PADI4: variants seen among roughly 807,000 people sequenced by gnomAD.
PADI4 encodes protein-arginine deiminase type-4.
A neutral mutation model predicts 75.0 loss-of-function variants in PADI4; 62 were observed. The ratio of observed to expected loss-of-function variants is 0.83; its 90% CI spans 0.67 to 1.02. The LOEUF (loss-of-function observed/expected upper bound fraction) is 1.02, where lower values mean the gene tolerates loss of function less well. Ranked by LOEUF, PADI4 falls within the 50% of genes least tolerant of loss-of-function variation. The pLI, the probability that PADI4 is intolerant of heterozygous loss-of-function variation, is 0.00. For synonymous variants in PADI4, 361 were observed against 348.1 expected (o/e 1.04, Z -0.41); for missense variants, 845 against 850.5 (o/e 0.99, Z 0.08).
At position 17,346,494 on chromosome 1, in the gene PADI4, G is replaced by A. The variant is rs72637418; in HGVS notation, c.1047+355G>A. ...ATCTTGGGCCCAGCCACCAAAGCAG[G>A]TCACACCCCAGCTCCAGCACTTTCC... is the stretch of plus-strand genomic sequence containing the variant. On this transcript the variant is annotated intron_variant, in intron 9 of 15. Coordinates refer to ENST00000375448, the MANE Select transcript of PADI4 (RefSeq NM_012387.3). The surrounding 1 kb of genome is among the most constrained non-coding windows in gnomAD (Gnocchi z 4.3). Among the ~76,000 whole-genome samples the A allele has an allele frequency of 0.015, 2,272 of 152,228 alleles. 32 individuals are homozygous for A. Among genetic ancestry groups the A allele is most frequent in the Admixed American group, 0.024 (361 of 15,292 alleles).
chr1:17,354,649 G>T lies in PADI4; in HGVS notation c.1272G>T (p.Pro424=), dbSNP rs35240185. 1 of 1,613,286 alleles carries T rather than the reference G, an allele frequency of 6.2e-7. No homozygotes were observed. The highest frequency in any genetic ancestry group is 1.1e-5 in the South Asian group (1 of 90,974). The part of the protein sequence containing the change: ...PPVTVRGKEY[P]LGRILFGDSC... Reference sequence around the variant, plus strand: ...TCACAGTCAGGGGCAAGGAATACCCGCTGGGCAGGATTCTCTTCGGGGACA... The same window carrying T: ...TCACAGTCAGGGGCAAGGAATACCCTCTGGGCAGGATTCTCTTCGGGGACA... The change falls in exon 11 of 16, where the codon CCG becomes CCT. Residue 424 remains proline, a synonymous_variant. Transcript: ENST00000375448.
In PADI4 at chr1:17,363,698, C is replaced by T. The variant is rs367830936; in HGVS notation, c.1935C>T (p.Cys645=). 288 of 1,613,984 alleles carry T rather than the reference C, an allele frequency of 1.8e-4. No homozygotes were observed. The highest frequency in any genetic ancestry group is 2.2e-4 in the Non-Finnish European group (265 of 1,179,922). ...ACATCAGGCATGGGGAGGTGCACTG[C>T]GGCACCAACGTGCGCAGAAAGCCCT... ...TYHIRHGEVH[C]GTNVRRKPFS... The change falls in exon 16 of 16, where the codon TGC becomes TGT. Residue 645 remains cysteine (C), a synonymous_variant. Transcript: ENST00000375448.
chr1:17,356,339 C>A lies in PADI4; in HGVS notation c.1456-18C>A, dbSNP rs1297278324. ...CAGGGGCAAAGCTGACTTCTAACCC[C>A]AGTGTTTCTGCCTCCAGGGCTTCCG... On this transcript the variant is annotated intron_variant, in intron 12 of 15. Coordinates refer to ENST00000375448, the MANE Select transcript of PADI4 (RefSeq NM_012387.3). This position sits in a 1 kb window ranked among gnomAD's most constrained non-coding sequence, Gnocchi z 4.1. 1 of 1,560,246 alleles carries A rather than the reference C, an allele frequency of 6.4e-7. No homozygotes were observed. The highest frequency in any genetic ancestry group is 8.8e-7 in the Non-Finnish European group (1 of 1,141,598).
chr1:17,331,334 T>C (rs1293307907), intron 2 of PADI4, among the ~76,000 whole-genome samples, 185 bp downstream of exon 2: 2 of 152,162 alleles, frequency 1.3e-5, no homozygotes, highest in Non-Finnish European at 2.9e-5. Flanking sequence ...CAGGGGTTCA[T>C]GGAGGTCAGG....
chr1:17,314,333 A>C (rs2073896271), intron 1 of PADI4, among the ~76,000 whole-genome samples: 1 of 152,222 alleles, frequency 6.6e-6, no homozygotes, highest in Admixed American at 6.5e-5. Context: ...GGAAAACAAC[A>C]GCACACAGAA....
intron 1 of PADI4, among the ~76,000 whole-genome samples, chr1:17,324,355 C>G (rs2074085602): frequency 6.6e-6 from 1 of 151,828 alleles, no homozygotes. Flanking sequence ...GTTGATTTGC[C>G]TAAGTTCTTT....
chr1:17,319,759 C>T (rs2100671699), intron 1 of PADI4, among the ~76,000 whole-genome samples: 1 of 152,278 alleles, frequency 6.6e-6, no homozygotes, highest in East Asian at 1.9e-4. Context: ...GGAAGCGAGG[C>T]TCAGAAACAG....
intron 11 of PADI4, among the ~76,000 whole-genome samples, chr1:17,355,262 CA>C (rs1422960488): frequency 6.6e-6 from 1 of 152,178 alleles, no homozygotes; most frequent in Non-Finnish European, 1.5e-5. Context: ...ACCTATTGAA[CA>C]AGAAGAGGCT....
chr1:17,334,716 ACCATTTCTG>A (rs2074279804), intron 3 of PADI4: 3 of 440,652 alleles, frequency 6.8e-6, no homozygotes, highest in Non-Finnish European at 1.4e-5. Flanking sequence ...TCTCATCTTC[ACCATTTCTG>A]CCATATCAAT....
At chr1:17,341,824 G>A (rs1021468897) in intron 6 of PADI4, 119 bp from the exon 7 acceptor site, 1 of 700,046 alleles carries the variant, frequency 1.4e-6, no homozygotes, top group Non-Finnish European at 2.4e-6. Context: ...GGCTGCAAGG[G>A]GTTCTCTGAT....
In PADI4 at chr1:17,313,521, AGG is replaced by A. The variant is rs796405692; in HGVS notation, c.92+5208_92+5209del. 8.5e-3 allele frequency among the ~76,000 whole-genome samples: 1,236 copies of A among 145,200 alleles called. 22 individuals are homozygous for A. The highest frequency in any genetic ancestry group is 0.029 in the African/African-American group (1,121 of 39,078). On this transcript the variant is annotated intron_variant, in intron 1 of 15. Coordinates refer to ENST00000375448, the MANE Select transcript of PADI4 (RefSeq NM_012387.3). ...GTCAAAAAAAAAAAAAAAAAAAAAA[AGG>A]AAAGGAAGGAAAGAAGGAAAGAAGG...
Position 17,338,103 on chromosome 1 carries a change from T to C in PADI4, c.474T>C (p.Asn158=). The C allele has an allele frequency of 6.2e-7, 1 of 1,613,454 alleles. No homozygotes were observed. Among genetic ancestry groups the C allele is most frequent in the Non-Finnish European group, 8.5e-7 (1 of 1,179,594 alleles). The change falls in exon 5 of 16, where the codon AAT becomes AAC. Residue 158 remains asparagine, a synonymous_variant. Transcript: ENST00000375448. ...TGCTGGTGAACTGTGACAGAGACAA[T>C]CTCGAATCTTCTGCCATGGACTGCG... ...AILLVNCDRD[N]LESSAMDCED...
In PADI4 at chr1:17,346,177, G is replaced by T. The variant is rs754563935; in HGVS notation, c.1047+38G>T. Reference sequence around the variant, plus strand: ...CGGGGCAGGCAGGGTGACTGTCCCTGAGGGCCAAGAGACACTTGGGGGACC... The same window carrying T: ...CGGGGCAGGCAGGGTGACTGTCCCTTAGGGCCAAGAGACACTTGGGGGACC... On this transcript the variant is annotated intron_variant, in intron 9 of 15. Coordinates refer to ENST00000375448, the MANE Select transcript of PADI4 (RefSeq NM_012387.3). The surrounding 1 kb of genome is among the most constrained non-coding windows in gnomAD (Gnocchi z 4.3). 2.6e-5 allele frequency: 35 copies of T among 1,368,472 alleles called. No individual in the cohort carries two copies. The South Asian group carries it at 4.0e-4, about 16-fold the overall frequency. 84.8% of individuals were successfully genotyped at this position (1,368,472 alleles called of 1,614,324 possible).
intron 11 of PADI4, among the ~76,000 whole-genome samples, chr1:17,354,970 A>G (rs1357340138): frequency 6.6e-6 from 1 of 152,258 alleles, no homozygotes; most frequent in Non-Finnish European, 1.5e-5. Flanking sequence ...GACAAGAAAG[A>G]CAAGTCCTTA....
At position 17,346,770 on chromosome 1, in the gene PADI4, G is replaced by A. The variant is rs6673284; in HGVS notation, c.1047+631G>A. 0.044 allele frequency among the ~76,000 whole-genome samples: 6,646 copies of A among 151,812 alleles called. 501 individuals carry two copies. The highest frequency in any genetic ancestry group is 0.15 in the African/African-American group (6,289 of 41,348). On this transcript the variant is annotated intron_variant, in intron 9 of 15. Coordinates refer to ENST00000375448, the MANE Select transcript of PADI4 (RefSeq NM_012387.3). This position sits in a 1 kb window ranked among gnomAD's most constrained non-coding sequence, Gnocchi z 4.3. ...CTGTCCTTCCATGCCGCACCCCTGC[G>A]GTGCTGTCTCTTGGACCCATCTCCC...
chr1:17,353,698 A>T (rs1748013), intron 10 of PADI4, among the ~76,000 whole-genome samples: 4,385 of 152,230 alleles, frequency 0.029, 88 homozygotes, highest in Non-Finnish European at 0.041. Context: ...TATATTAGGG[A>T]TCTTGTGATG....
chr1:17,321,318 G>A (rs1258652048), intron 1 of PADI4, among the ~76,000 whole-genome samples: 1 of 152,178 alleles, frequency 6.6e-6, no homozygotes, highest in African/African-American at 2.4e-5. Context: ...CACAGGGAGA[G>A]CAGCACGGGG....
intron 6 of PADI4, 76 bp downstream of exon 6, chr1:17,339,889 A>G (rs887997710): frequency 6.8e-7 from 1 of 1,469,288 alleles, no homozygotes; most frequent in Non-Finnish European, 9.2e-7. Flanking sequence ...TGTGTGGCAG[A>G]TAAATCCTGA....
intron 13 of PADI4, among the ~76,000 whole-genome samples, chr1:17,358,117 G>A (rs1404973960): frequency 6.6e-6 from 1 of 151,368 alleles, no homozygotes; most frequent in Non-Finnish European, 1.5e-5. Flanking sequence ...GCGCAGTGGT[G>A]CGCACCTGTA....
Sources: allele counts gnomAD v4.1 joint callset (sites outside exome capture counted in the v4.1 genomes callset), GRCh38; gene constraint gnomAD v4.1.1; non-coding constraint Gnocchi (gnomAD v3.1); transcripts MANE v1.5; gene names NCBI Gene and HGNC (gene_info 2026-07-23, HGNC 2026-07-21).